The following PGA5 variants were observed in gnomAD, a reference collection of about 807,000 sequenced individuals.
The protein encoded by PGA5 is pepsin A-5.
Under a neutral mutation model 15.9 loss-of-function variants are expected in PGA5, and 19 were observed. The observed-to-expected ratio is 1.19, with a 90% confidence interval of 0.83 to 1.75. The LOEUF (loss-of-function observed/expected upper bound fraction) is 1.75, where lower values mean the gene tolerates loss of function less well. PGA5 is among the 40% of genes most tolerant of loss of function. The pLI, the probability that PGA5 is intolerant of heterozygous loss-of-function variation, is 0.00. For missense variants in PGA5, 224 were observed against 246.4 expected (o/e 0.91, Z 0.61); for synonymous variants, 92 against 95.8 (o/e 0.96, Z 0.23).
At position 61,249,432 on chromosome 11, in the gene PGA5, G is replaced by C. The variant is rs1854107751; in HGVS notation, c.774-237G>C. On this transcript the variant is annotated intron_variant, in intron 6 of 8. Transcript: ENST00000312403. Reference sequence around the variant, plus strand: ...CGGGAGCTCCCTGCAGCCTGGAACTGTGAGGCTGTCTTGTTTCGCTTGGCG... The same window carrying C: ...CGGGAGCTCCCTGCAGCCTGGAACTCTGAGGCTGTCTTGTTTCGCTTGGCG... 3.9e-6 allele frequency: 3 copies of C among 769,212 alleles called. No homozygotes were observed. In the Admixed American group the frequency reaches 8.2e-5, roughly 21 times the overall value. The allele number at this position is 769,212 out of a possible 1,614,324, so 47.6% of individuals were successfully genotyped here. A position where few individuals can be genotyped will look rare whatever the true frequency, so the allele number is the denominator to read the frequency against.
chr11:61,247,908 C>T (rs1178038309), intron 5 of PGA5, among the ~76,000 whole-genome samples: 1 of 151,968 alleles, frequency 6.6e-6, no homozygotes, highest in African/African-American at 2.4e-5. Flanking sequence ...TGGCAGCATC[C>T]CCAGCCTCTA....
At chr11:61,246,718 T>G (rs1362557012) in intron 5 of PGA5, among the ~76,000 whole-genome samples, 1 of 151,594 alleles carries the variant, frequency 6.6e-6, no homozygotes, top group Non-Finnish European at 1.5e-5. Flanking sequence ...GAACAAAGAT[T>G]GTACCACTGC....
At chr11:61,249,602 C>T (rs1854110218) in intron 6 of PGA5, 67 bp from the exon 7 acceptor site, 1 of 1,612,976 alleles carries the variant, frequency 6.2e-7, no homozygotes, top group Non-Finnish European at 8.5e-7. Flanking sequence ...GGGCTCACCT[C>T]CTGGTTCCTC....
In PGA5 at chr11:61,249,734, C is replaced by T. The variant is rs1284630724; in HGVS notation, c.839C>T (p.Thr280Ile). The change falls in exon 7 of 9, where the codon ACC becomes ATC. Residue 280 changes from threonine to isoleucine, a missense_variant. Transcript: ENST00000312403. ...TGCCAGGCCATTGTTGACACCGGCA[C>T]CTCTCTGCTGACCGGCCCAACCAGC... ...EGCQAIVDTGTSLLTGPTSPI... is the reference protein window; with the variant it reads ...EGCQAIVDTGISLLTGPTSPI... 2 of 1,613,574 alleles carry T rather than the reference C, an allele frequency of 1.2e-6. No individual in the cohort carries two copies. The highest frequency in any genetic ancestry group is 1.1e-5 in the South Asian group (1 of 91,054).
At chr11:61,248,041 C>A (rs1854088924) in intron 5 of PGA5, 1 of 605,948 alleles carries the variant, frequency 1.7e-6, no homozygotes, top group East Asian at 2.7e-5. Flanking sequence ...ACCCTCAAGT[C>A]CTTAAGAGCG....
intron 5 of PGA5, chr11:61,248,060 C>T (rs1854089196): frequency 1.6e-6 from 1 of 615,960 alleles, no homozygotes; most frequent in African/African-American, 1.8e-5. Context: ...CGGACACTGT[C>T]ATGCATTCAC....
intron 5 of PGA5, among the ~76,000 whole-genome samples, chr11:61,246,896 A>G (rs1167724660): frequency 6.6e-6 from 1 of 152,072 alleles, no homozygotes; most frequent in African/African-American, 2.4e-5. Context: ...TCAATCATGA[A>G]AGCAAGTTTC....
At chr11:61,246,737 C>T (rs1440346913) in intron 5 of PGA5, among the ~76,000 whole-genome samples, 4 of 149,134 alleles carry the variant, frequency 2.7e-5, no homozygotes, top group African/African-American at 1.0e-4. Flanking sequence ...GCATCCTAGC[C>T]TGGGCAACAG....
chr11:61,249,599 C>G (rs1308368460), intron 6 of PGA5, 70 bp from the exon 7 acceptor site: 2 of 1,612,886 alleles, frequency 1.2e-6, no homozygotes, highest in Non-Finnish European at 8.5e-7. Flanking sequence ...TCTGGGCTCA[C>G]CTCCTGGTTC....
intron 6 of PGA5, 148 bp downstream of exon 6, chr11:61,248,683 G>C (rs965991375): frequency 1.3e-6 from 2 of 1,547,684 alleles, no homozygotes; most frequent in South Asian, 2.4e-5. Context: ...AGTTGGCCAA[G>C]CCAAAGAGAC....
Position 61,248,445 on chromosome 11 carries a change from T to C in PGA5, c.683T>C (p.Ile228Thr). The part of the protein sequence containing the change: ...SADDKSGSVV[I>T]FGGIDSSYYT... ...GATGACAAGAGTGGCAGCGTGGTGA[T>C]CTTTGGTGGCATTGACTCTTCTTAC... Residue 228 changes from isoleucine (I) to threonine (T), a missense_variant, in exon 6 of 9, where the codon ATC becomes ACC. Coordinates refer to ENST00000312403, the MANE Select transcript of PGA5 (RefSeq NM_014224.5). 6.2e-7 allele frequency: 1 copy of C among 1,613,786 alleles called. No individual in the cohort carries two copies. Among genetic ancestry groups the C allele is most frequent in the African/African-American group, 1.3e-5 (1 of 74,862 alleles).
At position 61,250,785 on chromosome 11, in the gene PGA5, G is replaced by C. The variant is rs755178989; in HGVS notation, c.1018-347G>C. ...ATAGCTCATCTGGTTTGTCCCTGAT[G>C]AGATAAGAATAATAATGAGAAAAGG... On this transcript the variant is annotated intron_variant, in intron 8 of 8. Coordinates refer to ENST00000312403, the MANE Select transcript of PGA5 (RefSeq NM_014224.5). The C allele has an allele frequency of 4.7e-4, 244 of 517,654 alleles. 1 individual carries two copies. Among genetic ancestry groups the C allele is most frequent in the African/African-American group, 1.4e-3 (75 of 52,140 alleles). 32.1% of individuals were successfully genotyped at this position (517,654 alleles called of 1,614,324 possible).
intron 5 of PGA5, chr11:61,248,079 G>T (rs1763727183): frequency 3.2e-6 from 2 of 626,036 alleles, no homozygotes; most frequent in Admixed American, 2.6e-5. Flanking sequence ...ACTTCCCTGG[G>T]GTCCCCATGG....
Position 61,248,544 on chromosome 11 carries a change from G to A in PGA5, c.773+9G>A, listed in dbSNP as rs1394208097. 6.2e-7 allele frequency: 1 copy of A among 1,611,562 alleles called. No homozygotes were observed. The highest frequency in any genetic ancestry group is 8.5e-7 in the Non-Finnish European group (1 of 1,179,442). On this transcript the variant is annotated intron_variant, in intron 6 of 8. Transcript: ENST00000312403. ...CAGATCACCGTGGACAGGTGAGACTGCCATGAACGGGCAGCATCCAGGCCT... is the reference window on the plus strand; with the variant it reads ...CAGATCACCGTGGACAGGTGAGACTACCATGAACGGGCAGCATCCAGGCCT...
At chr11:61,250,296 C>CT (rs1565210385) in intron 8 of PGA5, among the ~76,000 whole-genome samples, 1 of 151,358 alleles carries the variant, frequency 6.6e-6, no homozygotes, top group Non-Finnish European at 1.5e-5. Context: ...GTCTGAATTA[C>CT]TAGCCCATTG....
rs1271378336 is a variant in PGA5, at chr11:61,250,417, C to T, written c.1017+403C>T. ...GTTAGGTCAACCAAGTGAGACTGAT[C>T]ACATCAGAGCTACCAAGGGTTGGGC... On this transcript the variant is annotated intron_variant, in intron 8 of 8. Transcript: ENST00000312403. 2.0e-5 allele frequency among the ~76,000 whole-genome samples: 3 copies of T among 151,614 alleles called. No individual in the cohort carries two copies. The East Asian group carries it at 5.8e-4, about 29-fold the overall frequency.
At position 61,251,327 on chromosome 11, in the gene PGA5, C is replaced by T. The variant is rs764999237; in HGVS notation, c.*46C>T. 8.1e-6 allele frequency: 13 copies of T among 1,611,630 alleles called. No homozygotes were observed. The highest frequency in any genetic ancestry group is 2.7e-5 in the African/African-American group (2 of 74,704). On this transcript the variant is annotated 3_prime_UTR_variant, in exon 9 of 9. Transcript: ENST00000312403. ...CTCCCAGGAAGATCTGGCCTCCGTC[C>T]TATGCCCACTTTAGATGTATCTAAT...
At chr11:61,248,262 T>TG in intron 5 of PGA5, 157 bp from the exon 6 acceptor site, 1 of 1,569,246 alleles carries the variant, frequency 6.4e-7, no homozygotes. Context: ...GCCCACTGCA[T>TG]GGGCCCTGGC....
chr11:61,249,269 C>T, intron 6 of PGA5: 1 of 372,612 alleles, frequency 2.7e-6, no homozygotes, highest in Non-Finnish European at 5.1e-6. Flanking sequence ...TCTTCACCTG[C>T]CTGGCATTCC....
Sources: allele counts gnomAD v4.1 joint callset (sites outside exome capture counted in the v4.1 genomes callset), GRCh38; gene constraint gnomAD v4.1.1; transcripts MANE v1.5; gene names NCBI Gene and HGNC (gene_info 2026-07-23, HGNC 2026-07-21).